The following MATN2 variants were observed in gnomAD, a reference collection of about 807,000 sequenced individuals.
MATN2 encodes matrilin-2.
A neutral mutation model predicts 103.2 loss-of-function variants in MATN2; 69 were observed. The ratio of observed to expected loss-of-function variants is 0.67; its 90% CI spans 0.55 to 0.82. MATN2 has a LOEUF of 0.82. MATN2 is among the 40% of genes least tolerant of loss of function. MATN2 has a pLI of 0.00. For synonymous variants in MATN2, 429 were observed against 450.2 expected, an observed-to-expected ratio of 0.95 and a Z score of 0.60; for missense variants, 1,023 against 1,211.5, an observed-to-expected ratio of 0.84 and a Z score of 2.31.
chr8:97,885,090 A>G (rs561865061), intron 1 of MATN2, among the ~76,000 whole-genome samples: 1 of 152,360 alleles, frequency 6.6e-6, no homozygotes, highest in African/African-American at 2.4e-5. Context: ...TGAAATCCAC[A>G]GTAAACCCAA....
intron 2 of MATN2, among the ~76,000 whole-genome samples, chr8:97,923,180 GTC>G (rs147374494): frequency 0.014 from 1,942 of 143,274 alleles, 34 homozygotes; most frequent in African/African-American, 0.051. Flanking sequence ...ATGGCTTGCT[GTC>G]TCTCTCTCTC....
At chr8:97,952,296 A>C (rs1810980779) in intron 4 of MATN2, 1 of 152,238 alleles carries the variant, frequency 6.6e-6, no homozygotes, top group African/African-American at 2.4e-5. Flanking sequence ...AAGAGCTATA[A>C]AAAGTAGAGG....
intron 7 of MATN2, among the ~76,000 whole-genome samples, chr8:97,998,824 C>G (rs1812690276): frequency 6.6e-6 from 1 of 151,898 alleles, no homozygotes; most frequent in African/African-American, 2.4e-5. Context: ...ACAACATTGG[C>G]TTTTTTAGTG....
At position 97,988,586 on chromosome 8, in the gene MATN2, ACT is replaced by A. The variant is rs1451693624; in HGVS notation, c.1082-5893_1082-5892del. On this transcript the variant is annotated intron_variant, in intron 6 of 18. Coordinates refer to ENST00000254898, the MANE Select transcript of MATN2 (RefSeq NM_002380.5). ...GGCTTCAGTAAGCCACGATCACACC[ACT>A]GCACTCCAGCCTGGGCAACAGAGTG... Among the ~76,000 whole-genome samples the A allele has an allele frequency of 8.5e-5, 13 of 152,052 alleles. No homozygotes were observed. In the South Asian group the frequency reaches 2.7e-3, roughly 32 times the overall value.
intron 2 of MATN2, among the ~76,000 whole-genome samples, chr8:97,900,078 C>G (rs754040327): frequency 4.7e-4 from 72 of 152,274 alleles, no homozygotes; most frequent in Non-Finnish European, 9.0e-4. Flanking sequence ...AAACCAAGTC[C>G]AAGTAAGGTT....
chr8:98,001,462 C>CTTTTTTTT (rs35005441), intron 7 of MATN2, among the ~76,000 whole-genome samples: 1 of 118,920 alleles, frequency 8.4e-6, no homozygotes, highest in Admixed American at 8.9e-5. Context: ...ACACTTTTGT[C>CTTTTTTTT]TTTTTTTTTT....
chr8:97,950,483 A>T (rs1320037244), intron 4 of MATN2, among the ~76,000 whole-genome samples: 1 of 152,186 alleles, frequency 6.6e-6, no homozygotes, highest in Non-Finnish European at 1.5e-5. Context: ...CCGCTCATTC[A>T]TTCAATACCT....
chr8:97,994,344 G>A (rs1812497122), intron 6 of MATN2, 136 bp from the exon 7 acceptor site: 1 of 835,754 alleles, frequency 1.2e-6, no homozygotes, highest in Non-Finnish European at 1.8e-6. Flanking sequence ...GCTTTATTGG[G>A]AGACCCCTTC....
intron 5 of MATN2, among the ~76,000 whole-genome samples, chr8:97,964,009 C>T (rs2130265478): frequency 6.6e-6 from 1 of 152,152 alleles, no homozygotes; most frequent in South Asian, 2.1e-4. Context: ...ATCCTAATGG[C>T]TAGGCTGGAA....
chr8:97,987,184 T>A (rs1812225154), intron 6 of MATN2, among the ~76,000 whole-genome samples: 1 of 152,110 alleles, frequency 6.6e-6, no homozygotes, highest in Admixed American at 6.5e-5. Flanking sequence ...TTTCCATAGT[T>A]GTTGTACTAG....
At chr8:98,028,995 C>CA (rs1813912883) in intron 14 of MATN2, among the ~76,000 whole-genome samples, 1 of 152,148 alleles carries the variant, frequency 6.6e-6, no homozygotes, top group South Asian at 2.1e-4. Flanking sequence ...TTTATGGACC[C>CA]AGTGCCTAGA....
chr8:97,976,305 C>T (rs938912738), intron 5 of MATN2, among the ~76,000 whole-genome samples: 2 of 152,036 alleles, frequency 1.3e-5, no homozygotes, highest in Admixed American at 6.6e-5. Flanking sequence ...GACAGGGTTT[C>T]GCCATATTGG....
At chr8:97,899,805 C>T (rs1478815144) in intron 2 of MATN2, among the ~76,000 whole-genome samples, 1 of 152,180 alleles carries the variant, frequency 6.6e-6, no homozygotes, top group Non-Finnish European at 1.5e-5. Context: ...TTTCACTTTC[C>T]CAGTTTGTGG....
chr8:97,991,797 C>T (rs1485831186), intron 6 of MATN2, among the ~76,000 whole-genome samples: 1 of 152,038 alleles, frequency 6.6e-6, no homozygotes, highest in Non-Finnish European at 1.5e-5. Context: ...TTTCTGGGTT[C>T]AAGCAATCCT....
intron 4 of MATN2, among the ~76,000 whole-genome samples, chr8:97,950,455 AG>A (rs3214828): frequency 0.48 from 73,513 of 151,890 alleles, 18,245 homozygotes; most frequent in East Asian, 0.66. Context: ...AGAGTGGGGC[AG>A]GGATGCCTTC....
At chr8:97,884,582 G>A (rs1239592224) in intron 1 of MATN2, among the ~76,000 whole-genome samples, 1 of 151,988 alleles carries the variant, frequency 6.6e-6, no homozygotes, top group East Asian at 1.9e-4. Context: ...ACCAGCCTGG[G>A]CAACATGATG....
chr8:97,973,774 A>G (rs1315509517), intron 5 of MATN2, among the ~76,000 whole-genome samples: 1 of 151,838 alleles, frequency 6.6e-6, no homozygotes, highest in Non-Finnish European at 1.5e-5. Context: ...CTCGCTATGT[A>G]TCCCAGGCTG....
intron 1 of MATN2, among the ~76,000 whole-genome samples, chr8:97,877,361 C>T (rs906920192): frequency 4.0e-5 from 6 of 151,834 alleles, no homozygotes; most frequent in African/African-American, 1.5e-4. Context: ...CCTGTAATCC[C>T]AGCTACTCTG....
chr8:97,932,252 G>A (rs749700967), intron 3 of MATN2, among the ~76,000 whole-genome samples: 16 of 152,114 alleles, frequency 1.1e-4, no homozygotes, highest in Admixed American at 9.8e-4. Flanking sequence ...GTTGGAGTAC[G>A]GATAGGAATG....
Sources: gnomAD v4.1 joint callset for allele counts (sites outside exome capture counted in the v4.1 genomes callset) on GRCh38, gnomAD v4.1.1 for gene constraint, MANE v1.5 for transcripts, NCBI Gene and HGNC (gene_info 2026-07-23, HGNC 2026-07-21) for gene names.